The following INTS15 variants were observed in gnomAD, a reference collection of about 807,000 sequenced individuals.
INTS15 encodes integrator complex subunit 15, also known as uncharacterized protein C7orf26.
At chr7:6,608,033 C>T in the INTS15 span, 9 of 1,599,842 alleles carry the variant, frequency 5.6e-6, no homozygotes. Context: ...GTTCTACCCC[C>T]ACATCCACAC....
chr7:6,590,222 G>T, the INTS15 span: 1 of 1,354,104 alleles, frequency 7.4e-7, no homozygotes, highest in South Asian at 1.6e-5. Context: ...GGGTAGCGGC[G>T]CAGTCCCGGG....
the INTS15 span, chr7:6,608,620 A>AG: frequency 1.4e-6 from 1 of 709,342 alleles, no homozygotes; most frequent in Non-Finnish European, 1.7e-6. Context: ...AGCACTGCTC[A>AG]GGGAGGCTGT....
chr7:6,600,937 T>C, the INTS15 span, among the ~76,000 whole-genome samples: 3 of 152,054 alleles, frequency 2.0e-5, no homozygotes, highest in Non-Finnish European at 2.9e-5. Context: ...GTGCCGTTTC[T>C]TTTTCTGTGT....
the INTS15 span, among the ~76,000 whole-genome samples, chr7:6,600,617 T>C: frequency 6.6e-6 from 1 of 152,296 alleles, no homozygotes; most frequent in South Asian, 2.1e-4. Context: ...TAGATAGCTT[T>C]CCTTCCAAGG....
the INTS15 span, among the ~76,000 whole-genome samples, chr7:6,606,147 C>G: frequency 6.6e-6 from 1 of 152,226 alleles, no homozygotes; most frequent in African/African-American, 2.4e-5. Flanking sequence ...TCTGCAGTAC[C>G]TCCTCCTTGG....
At chr7:6,590,865 G>A in the INTS15 span, among the ~76,000 whole-genome samples, 30 of 150,578 alleles carry the variant, frequency 2.0e-4, no homozygotes, top group African/African-American at 6.6e-4. Context: ...TCGAGACAAG[G>A]TTTCACTACG....
At chr7:6,592,557 ACT>A in the INTS15 span, among the ~76,000 whole-genome samples, 1 of 150,544 alleles carries the variant, frequency 6.6e-6, no homozygotes, top group South Asian at 2.1e-4. Flanking sequence ...ACAGAGTGAG[ACT>A]CAGTCTCAAA....
the INTS15 span, among the ~76,000 whole-genome samples, chr7:6,597,622 G>C: frequency 4.6e-5 from 7 of 152,186 alleles, no homozygotes; most frequent in African/African-American, 1.7e-4. Context: ...GTTATTCCAG[G>C]CCAACAAAAA....
At chr7:6,594,301 C>T in the INTS15 span, 113 of 867,414 alleles carry the variant, frequency 1.3e-4, 1 homozygote, top group African/African-American at 1.1e-3. Context: ...CCACCACACT[C>T]GGCCCCATTA....
At chr7:6,607,496 C>T in the INTS15 span, 4 of 1,294,810 alleles carry the variant, frequency 3.1e-6, no homozygotes, top group Non-Finnish European at 4.1e-6. This position sits in a 1 kb window ranked among gnomAD's most constrained non-coding sequence, Gnocchi z 6.0. Context: ...AGGCCTGGGC[C>T]GTCCCCGAGG....
At chr7:6,591,686 T>C in the INTS15 span, 73 of 1,614,118 alleles carry the variant, frequency 4.5e-5, no homozygotes, top group Middle Eastern at 1.6e-4. Context: ...CTTGAAATCA[T>C]GTGCAATTAT....
chr7:6,606,776 GCTCACTGCAGCCTTGAACTTCTGAA>G, the INTS15 span, among the ~76,000 whole-genome samples: 18 of 151,424 alleles, frequency 1.2e-4, 1 homozygote, highest in Non-Finnish European at 2.2e-4. Context: ...ATGGCTCATG[GCTCACTGCAGCCTTGAACTTCTGAA>G]CTCAAGCAAT....
the INTS15 span, among the ~76,000 whole-genome samples, chr7:6,596,191 G>A: frequency 6.6e-6 from 1 of 151,712 alleles, no homozygotes; most frequent in Non-Finnish European, 1.5e-5. Flanking sequence ...AGCTAGCTGG[G>A]ACTACAGGCG....
chr7:6,595,024 A>G, the INTS15 span, among the ~76,000 whole-genome samples: 1 of 151,254 alleles, frequency 6.6e-6, no homozygotes. Flanking sequence ...CACCGTGCCC[A>G]GCTGAGTTTT....
the INTS15 span, chr7:6,602,063 C>G: frequency 1.3e-6 from 2 of 1,591,752 alleles, no homozygotes; most frequent in East Asian, 2.2e-5. Context: ...CGTGTTGTCT[C>G]CAGTATGTTC....
At chr7:6,594,813 C>A in the INTS15 span, among the ~76,000 whole-genome samples, 1 of 151,732 alleles carries the variant, frequency 6.6e-6, no homozygotes, top group Admixed American at 6.6e-5. Context: ...CTCCCCCTCC[C>A]AGGTTCAAGC....
chr7:6,601,106 A>G, the INTS15 span, among the ~76,000 whole-genome samples: 55,852 of 151,468 alleles, frequency 0.37, 10,999 homozygotes, highest in Non-Finnish European at 0.46. Context: ...AGCTGGGACT[A>G]CAAGTGTGTA....
the INTS15 span, among the ~76,000 whole-genome samples, chr7:6,600,629 AC>A: frequency 3.3e-5 from 5 of 150,306 alleles, no homozygotes; most frequent in East Asian, 5.9e-4. Flanking sequence ...CTTCCAAGGA[AC>A]CCTTTTTCTT....
chr7:6,607,684 G>A, the INTS15 span: 6 of 1,522,124 alleles, frequency 3.9e-6, no homozygotes, highest in South Asian at 4.8e-5. The surrounding 1 kb of genome is among the most constrained non-coding windows in gnomAD (Gnocchi z 6.0). Flanking sequence ...AGAGGCTGAC[G>A]TGGAGGCCAC....
Sources: allele counts gnomAD v4.1 joint callset (sites outside exome capture counted in the v4.1 genomes callset), GRCh38; gene constraint gnomAD v4.1.1; non-coding constraint Gnocchi (gnomAD v3.1); transcripts MANE v1.5; gene names NCBI Gene and HGNC (gene_info 2026-07-23, HGNC 2026-07-21).